STPG2: variants seen among roughly 807,000 people sequenced by gnomAD.
STPG2 encodes the protein sperm tail PG-rich repeat containing 2, also known as sperm-tail PG-rich repeat-containing protein 2.
In STPG2, 56 loss-of-function variants were observed where a neutral mutation model predicts 54.2. The observed-to-expected ratio is 1.03, with a 90% CI of 0.83 to 1.29. STPG2 has a LOEUF of 1.29. Among genes scored for constraint, STPG2 ranks in the 50% most tolerant of loss-of-function variants. The probability of loss-of-function intolerance (pLI) is 0.00; values close to 1 mark genes in which losing one functional copy is unlikely to be tolerated. For synonymous variants in STPG2, 200 were observed against 181.8 expected, an observed-to-expected ratio of 1.10 and a Z score of -0.81; for missense variants, 596 against 544.9, an observed-to-expected ratio of 1.09 and a Z score of -0.93.
chr4:97,870,696 A>G (rs560654754), intron 8 of STPG2, among the ~76,000 whole-genome samples: 6 of 151,532 alleles, frequency 4.0e-5, no homozygotes, highest in African/African-American at 9.6e-5. Context: ...AGACTTGAGA[A>G]TAATAGGTAG....
chr4:97,662,648 G>A (rs1246529359), intron 10 of STPG2, among the ~76,000 whole-genome samples: 2 of 152,076 alleles, frequency 1.3e-5, no homozygotes, highest in Non-Finnish European at 2.9e-5. Context: ...TTTAAAATGT[G>A]GTAATATACA....
At chr4:97,564,928 C>G (rs192469764) in intron 10 of STPG2, among the ~76,000 whole-genome samples, 7 of 152,204 alleles carry the variant, frequency 4.6e-5, no homozygotes, top group Admixed American at 2.0e-4. Context: ...TTGCTCTTCT[C>G]GAGGAGTATC....
intron 5 of STPG2, among the ~76,000 whole-genome samples, chr4:98,067,348 T>C (rs1737866406): frequency 6.6e-6 from 1 of 152,116 alleles, no homozygotes; most frequent in Non-Finnish European, 1.5e-5. Flanking sequence ...ACAGCAGAAA[T>C]ATGGATATAG....
At chr4:97,935,478 G>A (rs549431735) in intron 8 of STPG2, among the ~76,000 whole-genome samples, 1 of 152,274 alleles carries the variant, frequency 6.6e-6, no homozygotes, top group Admixed American at 6.5e-5. Flanking sequence ...ATGTTAGGGT[G>A]TTGATTTGAG....
chr4:97,856,591 T>G (rs2149135978), intron 8 of STPG2, among the ~76,000 whole-genome samples: 1 of 152,330 alleles, frequency 6.6e-6, no homozygotes, highest in East Asian at 1.9e-4. Flanking sequence ...AGATATAGGA[T>G]CATGTCATCT....
intron 9 of STPG2, among the ~76,000 whole-genome samples, chr4:97,725,206 T>C (rs1374883087): frequency 6.6e-6 from 1 of 152,016 alleles, no homozygotes; most frequent in African/African-American, 2.4e-5. Context: ...ATTCCAATAA[T>C]ACATACATCC....
chr4:97,874,310 T>G (rs1252770456), intron 8 of STPG2, among the ~76,000 whole-genome samples: 3 of 151,734 alleles, frequency 2.0e-5, no homozygotes, highest in Non-Finnish European at 3.0e-5. Flanking sequence ...TGTGTTTTTA[T>G]AACATACATC....
At chr4:97,897,079 C>T (rs1187215434) in intron 8 of STPG2, among the ~76,000 whole-genome samples, 1 of 151,918 alleles carries the variant, frequency 6.6e-6, no homozygotes, top group East Asian at 1.9e-4. Context: ...TTTCAATAAG[C>T]CCCAGTGTGT....
At chr4:97,934,413 G>A (rs1732669979) in intron 8 of STPG2, among the ~76,000 whole-genome samples, 1 of 152,200 alleles carries the variant, frequency 6.6e-6, no homozygotes. Context: ...AAGGAGTGGT[G>A]AGAGAGGGCA....
chr4:97,647,076 T>C (rs897494425), intron 10 of STPG2, among the ~76,000 whole-genome samples: 1 of 152,146 alleles, frequency 6.6e-6, no homozygotes, highest in Non-Finnish European at 1.5e-5. Context: ...TATATTCAAT[T>C]TTCTATCACC....
At chr4:98,102,663 T>A (rs1207394786) in intron 5 of STPG2, among the ~76,000 whole-genome samples, 1 of 152,012 alleles carries the variant, frequency 6.6e-6, no homozygotes, top group African/African-American at 2.4e-5. Context: ...CCTTCAACTA[T>A]TCTAAGAATA....
chr4:97,734,188 C>T (rs902489546), intron 9 of STPG2, among the ~76,000 whole-genome samples: 2 of 152,026 alleles, frequency 1.3e-5, no homozygotes, highest in Admixed American at 6.6e-5. Flanking sequence ...CCTCCTATTC[C>T]TAATTTGTTG....
chr4:97,989,437 TG>T (rs1240304872), intron 5 of STPG2, among the ~76,000 whole-genome samples: 3 of 152,142 alleles, frequency 2.0e-5, no homozygotes, highest in East Asian at 3.8e-4. Context: ...ATATACACTA[TG>T]TTTTTTTCTA....
At chr4:97,676,478 AC>A (rs989811370) in intron 10 of STPG2, among the ~76,000 whole-genome samples, 111 of 151,706 alleles carry the variant, frequency 7.3e-4, no homozygotes, top group Non-Finnish European at 4.6e-4. Flanking sequence ...CGCATCTGAA[AC>A]CTGTGTGATA....
intron 9 of STPG2, among the ~76,000 whole-genome samples, chr4:97,789,749 T>C (rs1726934585): frequency 6.6e-6 from 1 of 152,142 alleles, no homozygotes; most frequent in Non-Finnish European, 1.5e-5. Context: ...CTAATGTGTT[T>C]CTCTCCTAAA....
At chr4:98,076,015 C>A (rs1048772548) in intron 5 of STPG2, among the ~76,000 whole-genome samples, 2 of 152,088 alleles carry the variant, frequency 1.3e-5, no homozygotes, top group Non-Finnish European at 2.9e-5. Context: ...GAGGCCCAGG[C>A]GGGCAGATCA....
chr4:97,694,131 C>T (rs897482650), intron 10 of STPG2, among the ~76,000 whole-genome samples: 1 of 151,862 alleles, frequency 6.6e-6, no homozygotes, highest in Non-Finnish European at 1.5e-5. Context: ...AAACAAAACC[C>T]AAAGCCAGCA....
chr4:97,972,448 T>A lies in STPG2; in HGVS notation c.773-8A>T, dbSNP rs984177469. 6.9e-7 allele frequency: 1 copy of A among 1,453,140 alleles called. No homozygotes were observed. Among genetic ancestry groups the A allele is most frequent in the Non-Finnish European group, 9.2e-7 (1 of 1,081,212 alleles). The allele number at this position is 1,453,140 out of a possible 1,614,324, so 90.0% of individuals were successfully genotyped here. A position where few individuals can be genotyped will look rare whatever the true frequency, so the allele number is the denominator to read the frequency against. On this transcript the variant is annotated splice_region_variant and splice_polypyrimidine_tract_variant and intron_variant, in intron 6 of 10. Transcript: ENST00000295268. ...CATTATAAAATCCAGGACCTAAAAT[T>A]ATTAGAAGTATCATATATAAGAATA...
chr4:97,668,650 A>C (rs1387779199), intron 10 of STPG2, among the ~76,000 whole-genome samples: 1 of 148,530 alleles, frequency 6.7e-6, no homozygotes, highest in Non-Finnish European at 1.5e-5. Context: ...AGAAGGAAGA[A>C]AGGAGGAAGG....
Sources: allele counts gnomAD v4.1 joint callset (sites outside exome capture counted in the v4.1 genomes callset), GRCh38; gene constraint gnomAD v4.1.1; transcripts MANE v1.5; gene names NCBI Gene and HGNC (gene_info 2026-07-23, HGNC 2026-07-21).